MBNL3: variants seen among roughly 807,000 people sequenced by gnomAD.
MBNL3 encodes muscleblind like splicing regulator 3.
A neutral mutation model predicts 24.5 loss-of-function variants in MBNL3; 6 were observed. The ratio of observed to expected loss-of-function variants is 0.25; its 90% confidence interval spans 0.13 to 0.48. MBNL3 has a LOEUF of 0.48. Ranked by LOEUF, MBNL3 falls within the 20% of genes least tolerant of loss-of-function variation. MBNL3 has a pLI of 0.99. For missense variants in MBNL3, 230 were observed against 293.5 expected, an observed-to-expected ratio of 0.78 and a Z score of 1.58; for synonymous variants, 100 against 101.7, an observed-to-expected ratio of 0.98 and a Z score of 0.10.
intron 1 of MBNL3, among the ~76,000 whole-genome samples, chrX:132,470,056 C>G (rs1301630878): frequency 1.8e-5 from 2 of 111,679 alleles, no homozygotes; most frequent in Non-Finnish European, 3.8e-5. Context: ...CTTTCTATTC[C>G]TGAATATTAT....
intron 1 of MBNL3, among the ~76,000 whole-genome samples, chrX:132,457,221 C>G (rs928164590): frequency 3.6e-5 from 4 of 111,444 alleles, no homozygotes; most frequent in African/African-American, 1.3e-4. Context: ...AAAGATTTCA[C>G]CACAAGAGGT....
intron 7 of MBNL3, among the ~76,000 whole-genome samples, chrX:132,382,618 A>G (rs1935211570): frequency 8.9e-6 from 1 of 112,362 alleles, no homozygotes; most frequent in South Asian, 3.7e-4. Flanking sequence ...GAAAACAAAA[A>G]TCCAATGTTA....
At chrX:132,446,547 T>A (rs1386921218) in intron 1 of MBNL3, among the ~76,000 whole-genome samples, 1 of 112,618 alleles carries the variant, frequency 8.9e-6, no homozygotes, top group Admixed American at 9.4e-5. Flanking sequence ...ATCACAGAAA[T>A]GTCTTCTTTT....
At chrX:132,421,439 C>T (rs1423752449) in intron 2 of MBNL3, among the ~76,000 whole-genome samples, 2 of 111,528 alleles carry the variant, frequency 1.8e-5, no homozygotes, top group Non-Finnish European at 3.8e-5. Flanking sequence ...GGACACTTCT[C>T]TTATTAGAAC....
intron 2 of MBNL3, among the ~76,000 whole-genome samples, chrX:132,416,138 T>C (rs1169499880): frequency 8.9e-6 from 1 of 111,769 alleles, no homozygotes; most frequent in Non-Finnish European, 1.9e-5. Flanking sequence ...GGCCGAGATA[T>C]GGAATCAATT....
At chrX:132,387,423 C>A (rs1373616660) in intron 5 of MBNL3, among the ~76,000 whole-genome samples, 2 of 109,497 alleles carry the variant, frequency 1.8e-5, no homozygotes, top group African/African-American at 6.6e-5. Flanking sequence ...AGTAAACAAT[C>A]ATTTATAATT....
At chrX:132,405,665 C>T (rs1017890686) in intron 3 of MBNL3, among the ~76,000 whole-genome samples, 2 of 110,813 alleles carry the variant, frequency 1.8e-5, no homozygotes, top group Admixed American at 9.6e-5. Context: ...CACCTGAAGT[C>T]AGGCGTTTGA....
chrX:132,402,697 A>G (rs1321010226), intron 3 of MBNL3, among the ~76,000 whole-genome samples: 1 of 111,889 alleles, frequency 8.9e-6, no homozygotes, highest in Admixed American at 9.5e-5. Flanking sequence ...GCAAATGTCA[A>G]TTCAGACCTG....
chrX:132,452,701 TC>T (rs1401087054), intron 1 of MBNL3, among the ~76,000 whole-genome samples: 3 of 112,934 alleles, frequency 2.7e-5, no homozygotes, highest in African/African-American at 9.6e-5. Context: ...TACCAATCAA[TC>T]AACAAACATG....
chrX:132,436,491 C>T (rs1328949595), intron 2 of MBNL3, among the ~76,000 whole-genome samples: 1 of 111,785 alleles, frequency 8.9e-6, no homozygotes, highest in African/African-American at 3.2e-5. Context: ...TACACAACAA[C>T]AACAAAACAA....
In MBNL3 at chrX:132,370,849, C is replaced by T. The variant is rs1432187232; in HGVS notation, c.*8817G>A. ...TGCTGTGAAAAGAATTTGAAAAGTACCCAAGACAAACTTGGTTTACATCTG... is the reference window on the plus strand; with the variant it reads ...TGCTGTGAAAAGAATTTGAAAAGTATCCAAGACAAACTTGGTTTACATCTG... On this transcript the variant is annotated 3_prime_UTR_variant, in exon 9 of 9. Transcript: ENST00000370853. 1.3e-4 allele frequency: 15 copies of T among 111,583 alleles called. No individual in the cohort carries two copies. The Admixed American group carries it at 1.4e-3, about 11-fold the overall frequency. 9.2% of individuals were successfully genotyped at this position (111,583 alleles called of 1,213,427 possible).
intron 3 of MBNL3, among the ~76,000 whole-genome samples, chrX:132,393,674 G>A (rs1937541538): frequency 9.0e-6 from 1 of 111,304 alleles, no homozygotes; most frequent in South Asian, 3.8e-4. Flanking sequence ...ATGACTAAAT[G>A]TAGTATATTT....
intron 3 of MBNL3, among the ~76,000 whole-genome samples, chrX:132,395,041 T>C (rs1051908081): frequency 1.8e-5 from 2 of 111,929 alleles, no homozygotes; most frequent in Admixed American, 1.9e-4. Context: ...ATGAAATGCA[T>C]TCTATAACAC....
chrX:132,429,873 CA>C (rs1944596211), intron 2 of MBNL3: 2 of 112,188 alleles, frequency 1.8e-5, no homozygotes, highest in Non-Finnish European at 3.8e-5. Context: ...TTGATAACTG[CA>C]TATGTGAACT....
At chrX:132,401,210 A>G (rs1237678941) in intron 3 of MBNL3, among the ~76,000 whole-genome samples, 1 of 112,175 alleles carries the variant, frequency 8.9e-6, no homozygotes, top group Admixed American at 9.5e-5. Context: ...TTTTTATAGC[A>G]TAAATATTTC....
intron 2 of MBNL3, among the ~76,000 whole-genome samples, chrX:132,423,194 A>G (rs1943982338): frequency 1.8e-5 from 2 of 111,484 alleles, no homozygotes; most frequent in Admixed American, 9.5e-5. Flanking sequence ...AAACACATTC[A>G]TTTTCTGTTT....
intron 1 of MBNL3, among the ~76,000 whole-genome samples, chrX:132,449,383 G>A (rs746679154): frequency 1.9e-5 from 2 of 105,793 alleles, no homozygotes; most frequent in Non-Finnish European, 3.9e-5. Flanking sequence ...CCCTTTACCA[G>A]TATGTAATGC....
chrX:132,489,573 C>G (rs1246390897), upstream of MBNL3, among the ~76,000 whole-genome samples: 1 of 111,997 alleles, frequency 8.9e-6, no homozygotes, highest in Non-Finnish European at 1.9e-5. Flanking sequence ...GCAGCCCCGC[C>G]GACCCCAGGC....
At chrX:132,474,278 AT>A (rs889841146) in intron 1 of MBNL3, among the ~76,000 whole-genome samples, 9 of 111,804 alleles carry the variant, frequency 8.0e-5, no homozygotes, top group African/African-American at 2.9e-4. Context: ...CTATAGTTAC[AT>A]TTGAATTCTC....
Sources: allele counts gnomAD v4.1 joint callset (sites outside exome capture counted in the v4.1 genomes callset), GRCh38; gene constraint gnomAD v4.1.1; transcripts MANE v1.5; gene names NCBI Gene and HGNC (gene_info 2026-07-23, HGNC 2026-07-21).